Variants in TAFA2 observed in about 807,000 individuals in gnomAD.
TAFA2 encodes TAFA chemokine like family member 2.
TAFA2 carries 7 observed loss-of-function variants against 18.8 expected under a neutral mutation model. That is an observed-to-expected ratio of 0.37 (90% CI 0.21 to 0.70). TAFA2 has a LOEUF of 0.70. Ranked by LOEUF, TAFA2 falls within the 30% of genes least tolerant of loss-of-function variation. The pLI is 0.53. For missense variants in TAFA2, 122 were observed against 158.1 expected (o/e 0.77, Z 1.23); for synonymous variants, 60 against 54.2 (o/e 1.11, Z -0.47).
At chr12:61,873,488 T>A (rs1325553476) in intron 1 of TAFA2, among the ~76,000 whole-genome samples, 1 of 151,336 alleles carries the variant, frequency 6.6e-6, no homozygotes, top group Non-Finnish European at 1.5e-5. Flanking sequence ...AAGGGAGGAG[T>A]TAAAGATACC....
chr12:62,143,572 C>T (rs941460887), intron 1 of TAFA2, among the ~76,000 whole-genome samples: 2 of 152,144 alleles, frequency 1.3e-5, no homozygotes, highest in Non-Finnish European at 2.9e-5. Context: ...ATGTGCCATT[C>T]ATGTGATCTA....
intron 1 of TAFA2, among the ~76,000 whole-genome samples, chr12:62,026,257 T>G (rs1406603910): frequency 6.6e-6 from 1 of 152,168 alleles, no homozygotes; most frequent in Non-Finnish European, 1.5e-5. Context: ...CTCACTTGTT[T>G]CAGAGATTTA....
chr12:61,808,310 A>G (rs1871710949), intron 2 of TAFA2, among the ~76,000 whole-genome samples: 1 of 151,588 alleles, frequency 6.6e-6, no homozygotes, highest in Non-Finnish European at 1.5e-5. Flanking sequence ...ACCTTCTGCC[A>G]TGATTATGAG....
intron 1 of TAFA2, among the ~76,000 whole-genome samples, chr12:62,173,685 T>C (rs1191497216): frequency 6.6e-6 from 1 of 152,230 alleles, no homozygotes; most frequent in East Asian, 1.9e-4. Context: ...AAGTTTCTGA[T>C]CTATATGAAC....
At chr12:61,873,595 A>G (rs80088046) in intron 1 of TAFA2, among the ~76,000 whole-genome samples, 2,412 of 152,268 alleles carry the variant, frequency 0.016, 126 homozygotes, top group East Asian at 0.12. Context: ...ATAAACTATT[A>G]TTGTTATTAT....
intron 1 of TAFA2, among the ~76,000 whole-genome samples, chr12:62,187,253 A>T (rs2062592487): frequency 6.6e-6 from 1 of 152,138 alleles, no homozygotes; most frequent in Non-Finnish European, 1.5e-5. Flanking sequence ...TAGCCTAGTA[A>T]ATAAAAGTAT....
chr12:61,768,528 A>C (rs531727763), intron 2 of TAFA2, among the ~76,000 whole-genome samples: 1 of 152,276 alleles, frequency 6.6e-6, no homozygotes, highest in African/African-American at 2.4e-5. Flanking sequence ...GTGAGGGGGA[A>C]GGTCCACCTC....
chr12:61,722,132 C>T (rs947575803), intron 4 of TAFA2, among the ~76,000 whole-genome samples: 3 of 151,674 alleles, frequency 2.0e-5, no homozygotes, highest in African/African-American at 7.3e-5. Context: ...ATTTAGGCTC[C>T]GACAATAGAG....
intron 1 of TAFA2, among the ~76,000 whole-genome samples, chr12:62,057,845 G>T (rs557802282): frequency 6.6e-6 from 1 of 152,054 alleles, no homozygotes; most frequent in African/African-American, 2.4e-5. Flanking sequence ...CATGTGGTGG[G>T]TATCAGTTCA....
At chr12:61,732,086 G>C (rs1870476826) in intron 4 of TAFA2, among the ~76,000 whole-genome samples, 1 of 152,074 alleles carries the variant, frequency 6.6e-6, no homozygotes. Flanking sequence ...TTTTGAGACA[G>C]GGATGTACAA....
chr12:62,010,822 G>A (rs1318256348), intron 1 of TAFA2, among the ~76,000 whole-genome samples: 14 of 146,588 alleles, frequency 9.6e-5, no homozygotes, highest in East Asian at 2.1e-4. Flanking sequence ...GGTGGGGAGC[G>A]CCTCTGCCCA....
At chr12:62,111,045 T>C (rs1194008616) in intron 1 of TAFA2, among the ~76,000 whole-genome samples, 1 of 152,158 alleles carries the variant, frequency 6.6e-6, no homozygotes, top group Admixed American at 6.5e-5. Context: ...ATTTGTTTTC[T>C]CTTGCTTCTC....
At chr12:61,901,259 CTTTTTTTTTTT>C (rs1203233805) in intron 1 of TAFA2, among the ~76,000 whole-genome samples, 2 of 10,898 alleles carry the variant, frequency 1.8e-4, no homozygotes, top group Non-Finnish European at 2.9e-4. Context: ...TTCAATTTCA[CTTTTTTTTTTT>C]TTTTTTTTTT....
At chr12:62,182,609 G>A (rs2062559772) in intron 1 of TAFA2, among the ~76,000 whole-genome samples, 1 of 152,134 alleles carries the variant, frequency 6.6e-6, no homozygotes, top group Non-Finnish European at 1.5e-5. Context: ...ACACATAGAA[G>A]TTTAAAAGGC....
chr12:61,792,244 AG>A (rs776002424), intron 2 of TAFA2, among the ~76,000 whole-genome samples: 4 of 151,696 alleles, frequency 2.6e-5, no homozygotes, highest in Non-Finnish European at 5.9e-5. Flanking sequence ...TGTAAAGGAC[AG>A]GGAAAAGGAT....
Position 62,073,138 on chromosome 12 carries a change from G to A in TAFA2, c.-2+118121C>T, listed in dbSNP as rs979335639. On this transcript the variant is annotated intron_variant, in intron 1 of 4. Transcript: ENST00000416284. ...GTTTATAGTATCATGGAAAACAAAA[G>A]CAGGCAATACAGATCAGGGGACAGA... Among the ~76,000 whole-genome samples the A allele has an allele frequency of 3.9e-5, 6 of 152,284 alleles. 1 individual carries two copies. In the Middle Eastern group the frequency reaches 0.017, roughly 432 times the overall value.
chr12:61,988,548 C>T (rs755371675), intron 1 of TAFA2, among the ~76,000 whole-genome samples: 23 of 152,146 alleles, frequency 1.5e-4, no homozygotes, highest in Non-Finnish European at 2.6e-4. Context: ...TCTTCAATCA[C>T]TCATTTATTC....
chr12:62,029,129 C>A (rs759868924), intron 1 of TAFA2, among the ~76,000 whole-genome samples: 13 of 152,068 alleles, frequency 8.5e-5, no homozygotes, highest in Non-Finnish European at 1.0e-4. Flanking sequence ...GACATTTTAA[C>A]TTTCACTAAC....
At chr12:61,994,012 T>C (rs550440449) in intron 1 of TAFA2, among the ~76,000 whole-genome samples, 1 of 152,276 alleles carries the variant, frequency 6.6e-6, no homozygotes, top group South Asian at 2.1e-4. Context: ...GCTCTCTACA[T>C]ACTAATGGTC....
Sources: allele counts gnomAD v4.1 joint callset (sites outside exome capture counted in the v4.1 genomes callset), GRCh38; gene constraint gnomAD v4.1.1; transcripts MANE v1.5; gene names NCBI Gene and HGNC (gene_info 2026-07-23, HGNC 2026-07-21).